CNTN5: variants seen among roughly 807,000 people sequenced by gnomAD.
The protein encoded by CNTN5 is contactin 5, also known as contactin-5.
CNTN5 carries 77 observed loss-of-function variants against 129.1 expected under a neutral mutation model. That is an observed-to-expected ratio of 0.60 (90% CI 0.50 to 0.72). CNTN5 has a LOEUF of 0.72. CNTN5 is among the 30% of genes least tolerant of loss of function. The probability of loss-of-function intolerance (pLI) is 0.00; values close to 1 mark genes in which losing one functional copy is unlikely to be tolerated. For missense variants in CNTN5, 1,478 were observed against 1,328.8 expected (o/e 1.11, Z -1.75); for synonymous variants, 509 against 465.6 (o/e 1.09, Z -1.20).
chr11:99,916,358 C>A (rs779276742), intron 7 of CNTN5, among the ~76,000 whole-genome samples: 6 of 152,024 alleles, frequency 3.9e-5, no homozygotes, highest in Non-Finnish European at 8.8e-5. Flanking sequence ...TGTTTTATTG[C>A]CATTCTAACT....
intron 10 of CNTN5, 24 bp downstream of exon 10, chr11:100,061,417 A>T (rs1591159961): frequency 6.6e-7 from 1 of 1,510,520 alleles, no homozygotes; most frequent in East Asian, 2.3e-5. Context: ...GCAAAGCATG[A>T]TTGCTCTAGT....
intron 4 of CNTN5, among the ~76,000 whole-genome samples, chr11:99,841,357 G>A (rs1947484090): frequency 6.6e-6 from 1 of 152,012 alleles, no homozygotes; most frequent in Non-Finnish European, 1.5e-5. Context: ...CTCTTGTCCT[G>A]TTTTCACAAT....
chr11:100,133,473 G>C (rs1946434830), intron 13 of CNTN5, among the ~76,000 whole-genome samples: 1 of 152,110 alleles, frequency 6.6e-6, no homozygotes, highest in South Asian at 2.1e-4. Context: ...GTAGTAAAAA[G>C]TTGAAAAATT....
intron 1 of CNTN5, among the ~76,000 whole-genome samples, chr11:99,251,811 G>A (rs1862121024): frequency 6.6e-6 from 1 of 152,014 alleles, no homozygotes; most frequent in Non-Finnish European, 1.5e-5. Context: ...AGTGGTGGTT[G>A]GAAAGCTTCC....
chr11:99,218,595 C>T (rs1860244745), intron 1 of CNTN5, among the ~76,000 whole-genome samples: 1 of 151,966 alleles, frequency 6.6e-6, no homozygotes, highest in Non-Finnish European at 1.5e-5. Context: ...CAGTTTTATG[C>T]AATCAGGGGT....
At chr11:99,299,588 C>T (rs1264987504) in intron 1 of CNTN5, among the ~76,000 whole-genome samples, 1 of 152,060 alleles carries the variant, frequency 6.6e-6, no homozygotes, top group Non-Finnish European at 1.5e-5. Flanking sequence ...ACTTATTGCC[C>T]ATTGTATACC....
At chr11:99,667,380 A>T (rs1952835853) in intron 3 of CNTN5, among the ~76,000 whole-genome samples, 1 of 152,172 alleles carries the variant, frequency 6.6e-6, no homozygotes, top group Non-Finnish European at 1.5e-5. Context: ...AATGGCATTT[A>T]TAAGACGTGA....
intron 1 of CNTN5, among the ~76,000 whole-genome samples, chr11:99,154,340 G>A (rs1460613930): frequency 1.3e-5 from 2 of 152,178 alleles, no homozygotes; most frequent in Non-Finnish European, 1.5e-5. Context: ...GTTGTTGCGG[G>A]GCTGCTGGCC....
intron 1 of CNTN5, among the ~76,000 whole-genome samples, chr11:99,184,735 T>C (rs1457027014): frequency 6.6e-6 from 1 of 152,070 alleles, no homozygotes; most frequent in Non-Finnish European, 1.5e-5. Flanking sequence ...ACAATGAACA[T>C]CTGATTTTTT....
chr11:99,961,115 G>T (rs1025166193), intron 8 of CNTN5, among the ~76,000 whole-genome samples: 1 of 145,388 alleles, frequency 6.9e-6, no homozygotes, highest in Non-Finnish European at 1.5e-5. Flanking sequence ...TGAGACAGGA[G>T]AATCTCTGGA....
chr11:99,782,635 G>T (rs1451245055), intron 3 of CNTN5, among the ~76,000 whole-genome samples: 1 of 151,626 alleles, frequency 6.6e-6, no homozygotes, highest in Admixed American at 6.6e-5. Context: ...CAGAGATATA[G>T]ATCAATGGAA....
chr11:99,592,891 G>A (rs1174738240), intron 3 of CNTN5, among the ~76,000 whole-genome samples: 4 of 152,086 alleles, frequency 2.6e-5, no homozygotes, highest in Non-Finnish European at 5.9e-5. Flanking sequence ...CAGAGGATGT[G>A]GAGCTTAATT....
intron 3 of CNTN5, among the ~76,000 whole-genome samples, chr11:99,723,850 A>T (rs956753067): frequency 2.6e-5 from 4 of 152,128 alleles, no homozygotes; most frequent in African/African-American, 9.7e-5. Context: ...TCCTTTTACA[A>T]ATGATGAAAC....
At chr11:99,727,835 C>T (rs1943403999) in intron 3 of CNTN5, among the ~76,000 whole-genome samples, 2 of 152,214 alleles carry the variant, frequency 1.3e-5, no homozygotes, top group South Asian at 4.1e-4. Context: ...TTAGCTCGTG[C>T]TTATCTAGTA....
rs556202786 is a variant in CNTN5 at position 99,450,303 on chromosome 11, T to C, written c.-70-105842T>C. Reference sequence around the variant, plus strand: ...ATATATATGTTTGTGTATGTATGTATATGTATACACATATATTGTGTATGT... The same window carrying C: ...ATATATATGTTTGTGTATGTATGTACATGTATACACATATATTGTGTATGT... On this transcript the variant is annotated intron_variant, in intron 2 of 24. Coordinates refer to ENST00000524871, the MANE Select transcript of CNTN5 (RefSeq NM_014361.4). Among the ~76,000 whole-genome samples the C allele has an allele frequency of 2.8e-4, 43 of 151,194 alleles. No individual in the cohort carries two copies. The South Asian group carries it at 8.5e-3, about 30-fold the overall frequency.
intron 6 of CNTN5, among the ~76,000 whole-genome samples, chr11:99,873,808 A>G (rs1437375171): frequency 1.3e-5 from 2 of 152,144 alleles, no homozygotes; most frequent in African/African-American, 4.8e-5. Context: ...TAGCTAACCT[A>G]TATGTCTATC....
chr11:99,774,259 C>T (rs1037424185), intron 3 of CNTN5, among the ~76,000 whole-genome samples: 2 of 150,418 alleles, frequency 1.3e-5, no homozygotes, highest in Admixed American at 1.3e-4. Flanking sequence ...CTTCCCAACA[C>T]TTATCAGAGT....
At chr11:99,679,439 A>G (rs1317117645) in intron 3 of CNTN5, among the ~76,000 whole-genome samples, 8 of 152,062 alleles carry the variant, frequency 5.3e-5, no homozygotes, top group South Asian at 2.1e-4. Flanking sequence ...AATTCTCACA[A>G]TATTCCAAAC....
chr11:100,202,274 T>A (rs1421981779), intron 15 of CNTN5, among the ~76,000 whole-genome samples: 1 of 151,946 alleles, frequency 6.6e-6, no homozygotes, highest in Non-Finnish European at 1.5e-5. Context: ...CATTTTTAAT[T>A]TCCTACTTAG....
Sources: allele counts gnomAD v4.1 joint callset (sites outside exome capture counted in the v4.1 genomes callset), GRCh38; gene constraint gnomAD v4.1.1; transcripts MANE v1.5; gene names NCBI Gene and HGNC (gene_info 2026-07-23, HGNC 2026-07-21).